The following GLS variants were observed in gnomAD, a reference collection of about 807,000 sequenced individuals.
The protein encoded by GLS is glutaminase kidney isoform, mitochondrial.
Under a neutral mutation model 86.7 loss-of-function variants are expected in GLS, and 36 were observed. The observed-to-expected ratio is 0.42, with a 90% confidence interval of 0.32 to 0.55. The LOEUF (loss-of-function observed/expected upper bound fraction) is 0.55, where lower values mean the gene tolerates loss of function less well. GLS is among the 20% of genes least tolerant of loss of function. GLS has a pLI of 0.17. For missense variants in GLS, 528 were observed against 833.4 expected (o/e 0.63, Z 4.51); for synonymous variants, 317 against 305.9 (o/e 1.04, Z -0.38).
At position 190,935,012 on chromosome 2, in the gene GLS, T is replaced by G; in HGVS notation, c.1650+3375T>G. 1.7e-5 allele frequency: 16 copies of G among 950,640 alleles called. No homozygotes were observed. The highest frequency in any genetic ancestry group is 2.0e-5 in the Non-Finnish European group (16 of 798,388). 58.9% of individuals were successfully genotyped at this position (950,640 alleles called of 1,614,324 possible). A position where few individuals can be genotyped will look rare whatever the true frequency, so the allele number is the denominator to read the frequency against. On this transcript the variant is annotated intron_variant, in intron 14 of 17. Transcript: ENST00000320717. This position sits in a 1 kb window ranked among gnomAD's most constrained non-coding sequence, Gnocchi z 4.2. ...AGTACCCACTATTATTGGGTTTGTT[T>G]TATGCCATTATTGATTCTTGATATT... is the stretch of plus-strand genomic sequence containing the variant.
At chr2:190,946,195 G>T (rs981280003) in intron 14 of GLS, among the ~76,000 whole-genome samples, 8 of 152,138 alleles carry the variant, frequency 5.3e-5, no homozygotes, top group African/African-American at 1.9e-4. Flanking sequence ...CTTGGGCAAG[G>T]TGATTAATTT....
In GLS at chr2:190,883,865, A is replaced by G. The variant is rs906300649; in HGVS notation, c.386+2395A>G. Among the ~76,000 whole-genome samples, 8 of 152,162 alleles carry G rather than the reference A, an allele frequency of 5.3e-5. No individual in the cohort carries two copies. In the South Asian group the frequency reaches 6.2e-4, roughly 12 times the overall value. On this transcript the variant is annotated intron_variant, in intron 1 of 17. Coordinates refer to ENST00000320717, the MANE Select transcript of GLS (RefSeq NM_014905.5). ...TTCCTTGGTCCTGAGTTTATATTTT[A>G]TTTACTTTATATTCTGGAAGGAGGC...
At position 190,934,637 on chromosome 2, in the gene GLS, A is replaced by G. The variant is rs1041571560; in HGVS notation, c.1650+3000A>G. 3.7e-5 allele frequency: 36 copies of G among 984,172 alleles called. No homozygotes were observed. The African/African-American group carries it at 4.5e-4, about 12-fold the overall frequency. 61.0% of individuals were successfully genotyped at this position (984,172 alleles called of 1,614,324 possible). On this transcript the variant is annotated intron_variant, in intron 14 of 17. Transcript: ENST00000320717. Reference sequence around the variant, plus strand: ...CCTATGATCTAAATTGTTACATTTTACCATTTCATTCCGAAGTTGGTTTTA... The same window carrying G: ...CCTATGATCTAAATTGTTACATTTTGCCATTTCATTCCGAAGTTGGTTTTA...
chr2:190,899,614 C>T (rs993491180), intron 3 of GLS, among the ~76,000 whole-genome samples: 13 of 151,950 alleles, frequency 8.6e-5, no homozygotes, highest in African/African-American at 2.4e-4. Flanking sequence ...GGCTTAACAC[C>T]GTGTTTAGCA....
chr2:190,917,084 A>G (rs529358327), intron 7 of GLS, among the ~76,000 whole-genome samples: 1 of 152,344 alleles, frequency 6.6e-6, no homozygotes, highest in South Asian at 2.1e-4. Flanking sequence ...CTTTTATGAA[A>G]GATTTCTCTG....
rs1688769312 is a variant in GLS at position 190,897,114 on chromosome 2, T to G, written c.605+1389T>G. Among the ~76,000 whole-genome samples the G allele has an allele frequency of 6.6e-6, 1 of 151,982 alleles. No individual in the cohort carries two copies. The highest frequency in any genetic ancestry group is 1.5e-5 in the Non-Finnish European group (1 of 67,978). On this transcript the variant is annotated intron_variant, in intron 3 of 17. Transcript: ENST00000320717. This position sits in a 1 kb window ranked among gnomAD's most constrained non-coding sequence, Gnocchi z 4.3. ...CATGATCTTGGCTCACTACAACCTC[T>G]GCCTCCCGGGTTCAAGTGATTCTCC...
At chr2:190,884,167 T>C (rs1688299956) in intron 1 of GLS, among the ~76,000 whole-genome samples, 1 of 152,222 alleles carries the variant, frequency 6.6e-6, no homozygotes, top group South Asian at 2.1e-4. Context: ...TTGAATTTCC[T>C]CACTGGGTAA....
At chr2:190,889,400 G>A (rs748893182) in intron 1 of GLS, among the ~76,000 whole-genome samples, 1 of 152,116 alleles carries the variant, frequency 6.6e-6, no homozygotes, top group Non-Finnish European at 1.5e-5. Context: ...GCCTTCACAA[G>A]GGAGTTCACT....
chr2:190,900,514 T>C (rs1688902506), intron 3 of GLS, 50 bp from the exon 4 acceptor site: 12 of 1,104,468 alleles, frequency 1.1e-5, no homozygotes, highest in Non-Finnish European at 1.6e-5. Flanking sequence ...TACCAAGTTC[T>C]GATATTTGAA....
intron 17 of GLS, among the ~76,000 whole-genome samples, chr2:190,957,147 G>C (rs1430636911): frequency 6.6e-6 from 1 of 152,200 alleles, no homozygotes; most frequent in Non-Finnish European, 1.5e-5. Flanking sequence ...CTGGAGTGCA[G>C]TGGCAAGACC....
At chr2:190,903,378 T>A (rs184856874) in intron 5 of GLS, among the ~76,000 whole-genome samples, 34 of 152,344 alleles carry the variant, frequency 2.2e-4, no homozygotes, top group Admixed American at 8.5e-4. Flanking sequence ...TTCATTATTA[T>A]ATGCCTTTAT....
chr2:190,932,949 G>C, intron 14 of GLS: 1 of 1,300,510 alleles, frequency 7.7e-7, no homozygotes, highest in Non-Finnish European at 9.8e-7. Context: ...ATATTTATTT[G>C]AGGTATTTTT....
At chr2:190,933,985 C>T (rs1432453634) in intron 14 of GLS, 10 of 946,802 alleles carry the variant, frequency 1.1e-5, no homozygotes, top group Non-Finnish European at 1.1e-5. Context: ...TCTACACAAC[C>T]TGATTTCAAG....
chr2:190,934,869 AGAGAT>A (rs1574608996), intron 14 of GLS: 1 of 980,150 alleles, frequency 1.0e-6, no homozygotes, highest in Non-Finnish European at 1.2e-6. Context: ...AAACGGAAGA[AGAGAT>A]AAGATACTGC....
intron 7 of GLS, among the ~76,000 whole-genome samples, chr2:190,915,288 C>T (rs1176468598): frequency 6.6e-6 from 1 of 151,982 alleles, no homozygotes; most frequent in Non-Finnish European, 1.5e-5. Flanking sequence ...ACGTGAGCCA[C>T]CGCGCCCGGC....
In GLS at chr2:190,951,800, G is replaced by T. The variant is rs1690726749; in HGVS notation, c.1651-1765G>T. On this transcript the variant is annotated intron_variant, in intron 14 of 17. Coordinates refer to ENST00000320717, the MANE Select transcript of GLS (RefSeq NM_014905.5). This position sits in a 1 kb window ranked among gnomAD's most constrained non-coding sequence, Gnocchi z 4.2. ...GTATTCTGTGGTCCAAGAGCAAAAA[G>T]GGAATTGAGAATTCAGAGTTGACCC... is the stretch of plus-strand genomic sequence containing the variant. Among the ~76,000 whole-genome samples the T allele has an allele frequency of 1.3e-5, 2 of 152,128 alleles. No individual in the cohort carries two copies. Among genetic ancestry groups the T allele is most frequent in the Non-Finnish European group, 2.9e-5 (2 of 68,030 alleles).
chr2:190,880,879 GCA>G lies in GLS; in HGVS notation c.-205_-204del. 5.9e-6 allele frequency: 2 copies of G among 338,640 alleles called. No individual in the cohort carries two copies. The highest frequency in any genetic ancestry group is 8.1e-6 in the Non-Finnish European group (2 of 248,170). The allele number at this position is 338,640 out of a possible 1,614,324, so 21.0% of individuals were successfully genotyped here. On this transcript the variant is annotated 5_prime_UTR_variant, in exon 1 of 18. Transcript: ENST00000320717. ...GTCGCGGCAATCCTAGCGCGCAGCA[GCA>G]GCAGCAGCAGCAGCAGCAGCAGCAG...
At chr2:190,929,671 T>C (rs1311106503) in intron 12 of GLS, among the ~76,000 whole-genome samples, 2 of 152,136 alleles carry the variant, frequency 1.3e-5, no homozygotes, top group East Asian at 3.9e-4. Context: ...AGTTTTGCCA[T>C]GTTGCCCAGG....
intron 5 of GLS, among the ~76,000 whole-genome samples, chr2:190,903,815 A>T (rs561269171): frequency 6.6e-6 from 1 of 152,338 alleles, no homozygotes; most frequent in African/African-American, 2.4e-5. Flanking sequence ...ATAGTTACAC[A>T]TGAATAAATT....
Sources: allele counts gnomAD v4.1 joint callset (sites outside exome capture counted in the v4.1 genomes callset), GRCh38; gene constraint gnomAD v4.1.1; non-coding constraint Gnocchi (gnomAD v3.1); transcripts MANE v1.5; gene names NCBI Gene and HGNC (gene_info 2026-07-23, HGNC 2026-07-21).